The following COA1 variants were observed in gnomAD, a reference collection of about 807,000 sequenced individuals.
COA1 encodes cytochrome c oxidase assembly factor 1.
A neutral mutation model predicts 16.0 loss-of-function variants in COA1; 13 were observed. That is an observed-to-expected ratio of 0.81 (90% confidence interval 0.53 to 1.29). COA1 has a LOEUF of 1.29. COA1 is among the 50% of genes most tolerant of loss of function. COA1 has a pLI of 0.00. For missense variants in COA1, 179 were observed against 177.0 expected (o/e 1.01, Z -0.06); for synonymous variants, 65 against 65.7 (o/e 0.99, Z 0.05).
intron 4 of COA1, among the ~76,000 whole-genome samples, chr7:43,644,659 T>C (rs954922495): frequency 1.3e-5 from 2 of 151,608 alleles, no homozygotes; most frequent in African/African-American, 4.9e-5. Flanking sequence ...CCTGGGTAGC[T>C]GGGATTATAG....
At chr7:43,696,089 C>T (rs1243283401) in intron 1 of COA1, among the ~76,000 whole-genome samples, 4 of 152,364 alleles carry the variant, frequency 2.6e-5, no homozygotes, top group Admixed American at 2.6e-4. Flanking sequence ...GGAAGCCTGC[C>T]TTGGCTTCCC....
intron 1 of COA1, among the ~76,000 whole-genome samples, chr7:43,726,625 A>T (rs1396513221): frequency 6.6e-6 from 1 of 152,226 alleles, no homozygotes; most frequent in African/African-American, 2.4e-5. Flanking sequence ...GTTCTTTCAC[A>T]GCATTTTTCC....
chr7:43,715,283 G>A (rs547986081), intron 1 of COA1, among the ~76,000 whole-genome samples: 1 of 151,910 alleles, frequency 6.6e-6, no homozygotes, highest in Admixed American at 6.6e-5. Context: ...AATGTTAAGG[G>A]TATGTTGCTT....
At chr7:43,623,507 C>T in intron 6 of COA1, 3 of 1,403,300 alleles carry the variant, frequency 2.1e-6, no homozygotes, top group Non-Finnish European at 3.0e-6. Flanking sequence ...AGTTTTTTAT[C>T]TCTTAGAGCA....
At chr7:43,634,119 CT>C (rs1032332557) in intron 6 of COA1, among the ~76,000 whole-genome samples, 2 of 151,104 alleles carry the variant, frequency 1.3e-5, no homozygotes, top group Admixed American at 1.3e-4. Context: ...CTCACTGAAT[CT>C]TTTTTTTAAA....
rs764822375 is a variant in COA1, at chr7:43,679,192, G to A, written c.-38-30540C>T. Among the ~76,000 whole-genome samples, 3 of 149,324 alleles carry A rather than the reference G, an allele frequency of 2.0e-5. No homozygotes were observed. The South Asian group carries it at 6.3e-4, about 32-fold the overall frequency. On this transcript the variant is annotated intron_variant, in intron 1 of 5. Transcript: ENST00000223336. ...TGAGGCAGGAGAATCACTTGAACTC[G>A]GGAGGCGGAGGTTGCAGTGAGCCGG...
At chr7:43,622,030 CCGA>C in intron 6 of COA1, among the ~76,000 whole-genome samples, 1 of 152,152 alleles carries the variant, frequency 6.6e-6, no homozygotes, top group South Asian at 2.1e-4. Flanking sequence ...AGTAATAGTA[CCGA>C]CCTCATAGGG....
chr7:43,713,720 C>A (rs1205849754), intron 1 of COA1, among the ~76,000 whole-genome samples: 2 of 152,068 alleles, frequency 1.3e-5, no homozygotes, highest in African/African-American at 4.8e-5. Context: ...ACTGGTAATC[C>A]TTGGGTATTT....
At chr7:43,622,070 C>G (rs1383968312) in intron 6 of COA1, among the ~76,000 whole-genome samples, 1 of 152,174 alleles carries the variant, frequency 6.6e-6, no homozygotes, top group Non-Finnish European at 1.5e-5. Flanking sequence ...ATTGGATTTG[C>G]TGTACAAAGC....
intron 1 of COA1, among the ~76,000 whole-genome samples, chr7:43,698,764 G>A (rs1282271496): frequency 2.0e-5 from 3 of 152,122 alleles, no homozygotes; most frequent in African/African-American, 7.2e-5. Context: ...AGGACACTAA[G>A]CTAAGCTAGA....
intron 6 of COA1, among the ~76,000 whole-genome samples, chr7:43,615,429 G>A (rs544120595): frequency 3.3e-5 from 5 of 152,092 alleles, no homozygotes; most frequent in African/African-American, 7.2e-5. Flanking sequence ...CACTCACCTC[G>A]GCCTCCCAAA....
chr7:43,724,182 C>T (rs902851862), intron 1 of COA1, among the ~76,000 whole-genome samples: 6 of 152,084 alleles, frequency 3.9e-5, no homozygotes, highest in Admixed American at 1.3e-4. Context: ...CTAAAGCATA[C>T]GGGCAGTTCC....
At chr7:43,640,888 T>C (rs2086875167) in intron 4 of COA1, 3 of 447,920 alleles carry the variant, frequency 6.7e-6, no homozygotes, top group Non-Finnish European at 1.2e-5. Flanking sequence ...AGGACTCCTA[T>C]GTCAATGCTC....
chr7:43,645,700 G>T, intron 3 of COA1: 1 of 249,028 alleles, frequency 4.0e-6, no homozygotes, highest in South Asian at 4.8e-5. Context: ...ACACCTAAGA[G>T]GTTTGGTCAG....
intron 6 of COA1, among the ~76,000 whole-genome samples, chr7:43,614,770 G>A (rs2083195778): frequency 6.6e-6 from 1 of 152,192 alleles, no homozygotes; most frequent in Non-Finnish European, 1.5e-5. Context: ...ATAGATGCAT[G>A]TAACAGGGCC....
chr7:43,645,693 C>T (rs1260147559), intron 3 of COA1: 13 of 262,864 alleles, frequency 4.9e-5, no homozygotes, highest in Non-Finnish European at 6.8e-5. Context: ...TATTTTGACA[C>T]CTAAGAGGTT....
intron 1 of COA1, among the ~76,000 whole-genome samples, chr7:43,670,363 G>A (rs2093180543): frequency 6.6e-6 from 1 of 151,968 alleles, no homozygotes; most frequent in Non-Finnish European, 1.5e-5. Context: ...TAAGGCAGAA[G>A]AATCACCTGA....
chr7:43,657,950 G>C (rs1025624057), intron 1 of COA1, among the ~76,000 whole-genome samples: 1 of 152,112 alleles, frequency 6.6e-6, no homozygotes, highest in South Asian at 2.1e-4. Flanking sequence ...TTAAAACAAC[G>C]AGAGGCGGAG....
chr7:43,657,071 C>A (rs1162760331), intron 1 of COA1: 1 of 151,972 alleles, frequency 6.6e-6, no homozygotes, highest in South Asian at 2.1e-4. Context: ...TTAAAAAAAA[C>A]AGTCAAGAAC....
Sources: gnomAD v4.1 joint callset for allele counts (sites outside exome capture counted in the v4.1 genomes callset) on GRCh38, gnomAD v4.1.1 for gene constraint, MANE v1.5 for transcripts, NCBI Gene and HGNC (gene_info 2026-07-23, HGNC 2026-07-21) for gene names.